Variants in ATXN1 observed in about 807,000 individuals in gnomAD.
ATXN1 encodes the protein ataxin-1.
A neutral mutation model predicts 56.4 loss-of-function variants in ATXN1; 8 were observed. That is an observed-to-expected ratio of 0.14 (90% CI 0.08 to 0.26). The LOEUF is 0.26. Ranked by LOEUF, ATXN1 falls within the 10% of genes least tolerant of loss-of-function variation. The probability of loss-of-function intolerance (pLI) is 1.00; values close to 1 mark genes in which losing one functional copy is unlikely to be tolerated. For missense variants in ATXN1, 987 were observed against 1,106.5 expected (o/e 0.89, Z 1.53); for synonymous variants, 514 against 494.6 (o/e 1.04, Z -0.52).
chr6:16,441,697 T>C (rs115328876), intron 6 of ATXN1, among the ~76,000 whole-genome samples: 1,827 of 152,140 alleles, frequency 0.012, 21 homozygotes, highest in Middle Eastern at 0.054. Flanking sequence ...GGAAAGAATT[T>C]GAAGAAAACG....
intron 6 of ATXN1, among the ~76,000 whole-genome samples, chr6:16,447,736 T>G (rs573636945): frequency 1.3e-5 from 2 of 152,346 alleles, no homozygotes; most frequent in South Asian, 4.1e-4. Context: ...ACTAAAATGC[T>G]AGTTACACTC....
intron 2 of ATXN1, among the ~76,000 whole-genome samples, chr6:16,731,740 C>T (rs1369052177): frequency 6.6e-6 from 1 of 151,888 alleles, no homozygotes; most frequent in African/African-American, 2.4e-5. Flanking sequence ...AATTGTATTG[C>T]CGTTTCCTTC....
chr6:16,556,672 T>C (rs1237464980), intron 4 of ATXN1, among the ~76,000 whole-genome samples: 1 of 152,140 alleles, frequency 6.6e-6, no homozygotes, highest in African/African-American at 2.4e-5. Context: ...TCACTGTTAA[T>C]GGGGGAACAT....
chr6:16,429,575 G>A (rs7755599), intron 6 of ATXN1, among the ~76,000 whole-genome samples: 55 of 151,952 alleles, frequency 3.6e-4, no homozygotes, highest in African/African-American at 1.0e-3. Flanking sequence ...CCACCACCAC[G>A]CCTGGCTAAT....
intron 4 of ATXN1, among the ~76,000 whole-genome samples, chr6:16,541,447 CT>C (rs1180382171): frequency 2.6e-5 from 4 of 152,110 alleles, no homozygotes; most frequent in African/African-American, 9.7e-5. Context: ...GTATTTGTTC[CT>C]TTTTCAGTCC....
Position 16,496,566 on chromosome 6 carries a change from C to G in ATXN1, c.-298-10457G>C, listed in dbSNP as rs371098935. Among the ~76,000 whole-genome samples the G allele has an allele frequency of 6.6e-5, 10 of 152,186 alleles. No individual in the cohort carries two copies. In the East Asian group the frequency reaches 1.5e-3, roughly 23 times the overall value. Reference sequence around the variant, plus strand: ...CAGGTCACACTGCATCATGAAGGACCCTGTACTCCACTTGCTGCAATTTCA... The same window carrying G: ...CAGGTCACACTGCATCATGAAGGACGCTGTACTCCACTTGCTGCAATTTCA... On this transcript the variant is annotated intron_variant, in intron 5 of 7. Coordinates refer to ENST00000436367, the MANE Select transcript of ATXN1 (RefSeq NM_001128164.2).
At chr6:16,487,656 A>G (rs966538209) in intron 5 of ATXN1, among the ~76,000 whole-genome samples, 1 of 152,236 alleles carries the variant, frequency 6.6e-6, no homozygotes, top group East Asian at 1.9e-4. Context: ...AAAATAGCCC[A>G]GGACCCTGCA....
rs1759327541 is a variant in ATXN1, at chr6:16,433,456, GAGA to G, written c.-161+52513_-161+52515del. On this transcript the variant is annotated intron_variant, in intron 6 of 7. Coordinates refer to ENST00000436367, the MANE Select transcript of ATXN1 (RefSeq NM_001128164.2). ...GATAAGAAGAACTGAGTGCTCCAAGGAGATTTTAGAGGTGGGCAAAAAACAGCA... is the reference window on the plus strand; with the variant it reads ...GATAAGAAGAACTGAGTGCTCCAAGGTTTTAGAGGTGGGCAAAAAACAGCA... 4.6e-5 allele frequency among the ~76,000 whole-genome samples: 7 copies of G among 152,292 alleles called. No homozygotes were observed. In the South Asian group the frequency reaches 1.5e-3, roughly 32 times the overall value.
In ATXN1 at chr6:16,462,338, T is replaced by C. The variant is rs144693846; in HGVS notation, c.-161+23634A>G. 3.8e-4 allele frequency among the ~76,000 whole-genome samples: 58 copies of C among 152,298 alleles called. 1 individual carries two copies. The highest frequency in any genetic ancestry group is 6.3e-4 in the Non-Finnish European group (43 of 68,026). On this transcript the variant is annotated intron_variant, in intron 6 of 7. Coordinates refer to ENST00000436367, the MANE Select transcript of ATXN1 (RefSeq NM_001128164.2). The stretch of plus-strand genomic sequence containing the variant: ...CCAAGATCAGCCAGACCAGCCTCGA[T>C]AAACCTGTGAACCATTGGAAGATTT...
intron 6 of ATXN1, among the ~76,000 whole-genome samples, chr6:16,395,887 TG>T (rs1006267719): frequency 5.0e-4 from 76 of 152,086 alleles, no homozygotes; most frequent in African/African-American, 1.8e-3. Flanking sequence ...TAGTGGCACG[TG>T]CCTGTAATCT....
At chr6:16,542,130 A>G (rs752676598) in intron 4 of ATXN1, among the ~76,000 whole-genome samples, 6 of 151,998 alleles carry the variant, frequency 3.9e-5, no homozygotes, top group South Asian at 2.1e-4. Context: ...ACTGAGAGAC[A>G]TTAAAAAAAG....
chr6:16,335,150 C>T (rs1031320915), intron 6 of ATXN1, among the ~76,000 whole-genome samples: 3 of 152,226 alleles, frequency 2.0e-5, no homozygotes, highest in African/African-American at 4.8e-5. Flanking sequence ...AGGTGGCTGG[C>T]TTGTCATCCC....
chr6:16,423,823 G>C (rs529154195), intron 6 of ATXN1, among the ~76,000 whole-genome samples: 2 of 152,304 alleles, frequency 1.3e-5, no homozygotes, highest in South Asian at 4.1e-4. Flanking sequence ...GGACTATTTA[G>C]TGGTACCTGA....
intron 2 of ATXN1, among the ~76,000 whole-genome samples, chr6:16,711,325 A>G (rs1759517372): frequency 6.6e-6 from 1 of 152,152 alleles, no homozygotes; most frequent in African/African-American, 2.4e-5. Context: ...AAACAGGAGG[A>G]TAACATCTTA....
At chr6:16,558,823 T>C (rs916174036) in intron 4 of ATXN1, among the ~76,000 whole-genome samples, 4 of 151,910 alleles carry the variant, frequency 2.6e-5, no homozygotes, top group African/African-American at 4.8e-5. Context: ...AAACCCTGCA[T>C]GAAGAAAACA....
At chr6:16,621,775 C>T (rs1235565718) in intron 3 of ATXN1, among the ~76,000 whole-genome samples, 1 of 152,092 alleles carries the variant, frequency 6.6e-6, no homozygotes, top group Non-Finnish European at 1.5e-5. Flanking sequence ...AGAAAAGATG[C>T]TCTATGCAAA....
intron 6 of ATXN1, among the ~76,000 whole-genome samples, chr6:16,430,070 T>TA (rs1343950827): frequency 1.3e-5 from 2 of 151,778 alleles, no homozygotes; most frequent in African/African-American, 4.8e-5. Context: ...AGACTGAGAA[T>TA]AGAGTTAAAT....
intron 6 of ATXN1, among the ~76,000 whole-genome samples, chr6:16,420,911 C>T (rs1330890367): frequency 2.0e-5 from 3 of 152,136 alleles, no homozygotes; most frequent in Non-Finnish European, 2.9e-5. Flanking sequence ...AAAACATGTA[C>T]GTAATCCAAT....
chr6:16,651,265 C>T (rs560463347), intron 3 of ATXN1, among the ~76,000 whole-genome samples: 1 of 152,312 alleles, frequency 6.6e-6, no homozygotes, highest in Non-Finnish European at 1.5e-5. Flanking sequence ...CAAACTCAGA[C>T]TGGGGGCAGT....
Sources: allele counts gnomAD v4.1 joint callset (sites outside exome capture counted in the v4.1 genomes callset), GRCh38; gene constraint gnomAD v4.1.1; transcripts MANE v1.5; gene names NCBI Gene and HGNC (gene_info 2026-07-23, HGNC 2026-07-21).